FAM193B: variants seen among roughly 807,000 people sequenced by gnomAD.
FAM193B encodes family with sequence similarity 193 member B.
In FAM193B, 27 loss-of-function variants were observed where a neutral mutation model predicts 70.7. The observed-to-expected ratio is 0.38, with a 90% CI of 0.28 to 0.53. FAM193B has a LOEUF of 0.53. Ranked by LOEUF, FAM193B falls within the 20% of genes least tolerant of loss-of-function variation. FAM193B has a pLI of 0.81. For synonymous variants in FAM193B, 448 were observed against 436.0 expected (o/e 1.03, Z -0.34); for missense variants, 1,022 against 1,072.5 (o/e 0.95, Z 0.66).
intron 1 of FAM193B, among the ~76,000 whole-genome samples, chr5:177,546,494 G>C (rs188961172): frequency 6.6e-6 from 1 of 152,216 alleles, no homozygotes; most frequent in Non-Finnish European, 1.5e-5. Context: ...TCAACACAAA[G>C]GCAGAATTTA....
At chr5:177,545,257 C>T (rs542257564) in intron 1 of FAM193B, among the ~76,000 whole-genome samples, 9 of 152,168 alleles carry the variant, frequency 5.9e-5, no homozygotes, top group African/African-American at 2.2e-4. Flanking sequence ...TTGGCCATGC[C>T]GGTCTTGAAC....
chr5:177,535,890 C>A (rs780802361), intron 4 of FAM193B, among the ~76,000 whole-genome samples: 11 of 148,368 alleles, frequency 7.4e-5, no homozygotes, highest in African/African-American at 2.5e-4. Context: ...TAAAACAAAA[C>A]AAAACACAAA....
At chr5:177,541,941 G>A (rs956035070) in intron 1 of FAM193B, among the ~76,000 whole-genome samples, 5 of 152,134 alleles carry the variant, frequency 3.3e-5, no homozygotes, top group Non-Finnish European at 5.9e-5. Context: ...CTGCTATACC[G>A]TATTGTTTAG....
In FAM193B at chr5:177,537,882, T is replaced by A. The variant is rs369468804; in HGVS notation, c.679A>T (p.Thr227Ser). 1.9e-6 allele frequency: 3 copies of A among 1,608,142 alleles called. No homozygotes were observed. The South Asian group carries it at 3.3e-5, about 18-fold the overall frequency. Residue 227 changes from threonine to serine, a missense_variant, in exon 3 of 9, where the codon ACC becomes TCC. Coordinates refer to ENST00000514747, the MANE Select transcript of FAM193B (RefSeq NM_001190946.3). ...GAGCCTGGAGACTCACCGGGGATGG[T>A]AGGAGGACTCCCAAGAGAGCTGCCT... ...MPGSSLGSPP[T>S]IPGEAFPVSE... is the part of the protein sequence containing the mutation.
At chr5:177,534,429 TG>T (rs1763929882) in intron 4 of FAM193B, among the ~76,000 whole-genome samples, 1 of 151,680 alleles carries the variant, frequency 6.6e-6, no homozygotes, top group South Asian at 2.1e-4. Flanking sequence ...CCTGAGTAGC[TG>T]GGACTACAGA....
intron 5 of FAM193B, among the ~76,000 whole-genome samples, chr5:177,529,322 C>T (rs554016658): frequency 1.2e-4 from 18 of 151,898 alleles, no homozygotes; most frequent in Admixed American, 2.0e-4. Context: ...TTTCCTGAGG[C>T]GGGAGAGAAG....
intron 1 of FAM193B, among the ~76,000 whole-genome samples, chr5:177,541,027 G>A (rs948961084): frequency 6.6e-6 from 1 of 152,190 alleles, no homozygotes; most frequent in African/African-American, 2.4e-5. Flanking sequence ...AGTACCAGAA[G>A]CATAATGAAA....
In FAM193B at chr5:177,554,099, C is replaced by A. The variant is rs1766708774; in HGVS notation, c.210+150G>T. On this transcript the variant is annotated intron_variant, in intron 1 of 8. Coordinates refer to ENST00000514747, the MANE Select transcript of FAM193B (RefSeq NM_001190946.3). ...GAGGGGTCCAGCCTCCATTCCCGCCCCGGGGGAGAAAGCTTCGGCGCCGGA... is the reference window on the plus strand; with the variant it reads ...GAGGGGTCCAGCCTCCATTCCCGCCACGGGGGAGAAAGCTTCGGCGCCGGA... 3.6e-6 allele frequency: 5 copies of A among 1,392,822 alleles called. No homozygotes were observed. The African/African-American group carries it at 6.0e-5, about 17-fold the overall frequency. The allele number at this position is 1,392,822 out of a possible 1,614,324, so 86.3% of individuals were successfully genotyped here. A position where few individuals can be genotyped will look rare whatever the true frequency, so the allele number is the denominator to read the frequency against.
In FAM193B at chr5:177,554,489, ACGCCGCCGCCGCCGCCGCCGC is replaced by A. The variant is rs1554123264; in HGVS notation, c.-52_-32del. Reference sequence around the variant, plus strand: ...CGCTCGCGCCGCTCCCTCGCTCCACACGCCGCCGCCGCCGCCGCCGCCGCCGCCGCCGCCGCCGCCGCTACC... The same window carrying A: ...CGCTCGCGCCGCTCCCTCGCTCCACACGCCGCCGCCGCCGCCGCCGCTACC... On this transcript the variant is annotated 5_prime_UTR_variant, in exon 1 of 9. Transcript: ENST00000514747. The A allele has an allele frequency of 8.4e-5, 51 of 605,946 alleles. No homozygotes were observed. The African/African-American group carries it at 1.2e-3, about 14-fold the overall frequency. 37.5% of individuals were successfully genotyped at this position (605,946 alleles called of 1,614,324 possible). A position where few individuals can be genotyped will look rare whatever the true frequency, so the allele number is the denominator to read the frequency against.
At chr5:177,550,776 G>A (rs1345018191) in intron 1 of FAM193B, among the ~76,000 whole-genome samples, 1 of 152,204 alleles carries the variant, frequency 6.6e-6, no homozygotes, top group Non-Finnish European at 1.5e-5. Flanking sequence ...CCCTCTCTTA[G>A]GTGAGGCGCT....
chr5:177,525,479 G>A, intron 5 of FAM193B: 1 of 354,312 alleles, frequency 2.8e-6, no homozygotes, highest in Non-Finnish European at 5.1e-6. Context: ...TCTGCAAAAT[G>A]GGGACAATAA....
At chr5:177,549,478 C>G (rs571814832) in intron 1 of FAM193B, among the ~76,000 whole-genome samples, 5 of 152,176 alleles carry the variant, frequency 3.3e-5, no homozygotes, top group Non-Finnish European at 7.3e-5. Flanking sequence ...CAGGCATGAG[C>G]CACCGCGCCC....
Position 177,524,741 on chromosome 5 carries a change from C to A in FAM193B, c.1740G>T (p.Glu580Asp), listed in dbSNP as rs747753441. 1 of 1,541,368 alleles carries A rather than the reference C, an allele frequency of 6.5e-7. No homozygotes were observed. Among genetic ancestry groups the A allele is most frequent in the South Asian group, 1.3e-5 (1 of 79,272 alleles). ...VRGPPPGIVP[E>D]NGLVRRLNTV... ...TGTTGAGTCTCCTCACGAGCCCGTT[C>A]TCGGGGACGATACCGGGAGGGGGCC... Residue 580 changes from glutamate (E) to aspartate (D), a missense_variant, in exon 6 of 9, where the codon GAG (glutamate) becomes GAT (aspartate). Glu to Asp is a conservative substitution (Grantham distance 45). Transcript: ENST00000514747.
intron 1 of FAM193B, among the ~76,000 whole-genome samples, chr5:177,542,755 A>G (rs909955102): frequency 6.6e-6 from 1 of 152,106 alleles, no homozygotes; most frequent in African/African-American, 2.4e-5. Context: ...CTCCTCTCCC[A>G]TCTCCTCCTA....
intron 1 of FAM193B, among the ~76,000 whole-genome samples, chr5:177,551,736 C>T (rs1023684921): frequency 6.6e-6 from 1 of 152,178 alleles, no homozygotes; most frequent in Non-Finnish European, 1.5e-5. Context: ...GTCTTATTTG[C>T]CACCTTTGGA....
At position 177,524,764 on chromosome 5, in the gene FAM193B, GC is replaced by G; in HGVS notation, c.1716del (p.Pro574LeufsTer11). The G allele has an allele frequency of 6.5e-7, 1 of 1,530,158 alleles. No individual in the cohort carries two copies. The highest frequency in any genetic ancestry group is 8.8e-7 in the Non-Finnish European group (1 of 1,140,570). The allele number at this position is 1,530,158 out of a possible 1,614,324, so 94.8% of individuals were successfully genotyped here. A position where few individuals can be genotyped will look rare whatever the true frequency, so the allele number is the denominator to read the frequency against. ...GPHPPWTEVR[G>X]PPPGIVPENG... is the part of the protein sequence containing the mutation. ...TTCTCGGGGACGATACCGGGAGGGG[GC>G]CCCCTCACCTCTGTCCATGGTGGGT... On this transcript the variant is annotated frameshift_variant, in exon 6 of 9. Transcript: ENST00000514747. LOFTEE classifies it high-confidence loss of function.
At chr5:177,543,397 T>C (rs1377984033) in intron 1 of FAM193B, among the ~76,000 whole-genome samples, 4 of 152,234 alleles carry the variant, frequency 2.6e-5, no homozygotes, top group Admixed American at 6.5e-5. Context: ...CTCAATCTAT[T>C]ATCTAAGCCC....
At chr5:177,535,153 C>T (rs1315788552) in intron 4 of FAM193B, among the ~76,000 whole-genome samples, 1 of 152,192 alleles carries the variant, frequency 6.6e-6, no homozygotes, top group African/African-American at 2.4e-5. Flanking sequence ...TAAGAAAAGA[C>T]ATCTTTAGAG....
intron 7 of FAM193B, among the ~76,000 whole-genome samples, chr5:177,522,650 C>T (rs337384): frequency 7.5e-4 from 114 of 152,046 alleles, no homozygotes; most frequent in African/African-American, 2.6e-3. Context: ...TTCCCACATA[C>T]TTTAAATCAT....
Sources: gnomAD v4.1 joint callset for allele counts (sites outside exome capture counted in the v4.1 genomes callset) on GRCh38, gnomAD v4.1.1 for gene constraint, MANE v1.5 for transcripts, NCBI Gene and HGNC (gene_info 2026-07-23, HGNC 2026-07-21) for gene names.